RPRD2: variants seen among roughly 807,000 people sequenced by gnomAD.
The protein encoded by RPRD2 is regulation of nuclear pre-mRNA domain containing 2.
RPRD2 carries 12 observed loss-of-function variants against 104.4 expected under a neutral mutation model. That is an observed-to-expected ratio of 0.11 (90% CI 0.07 to 0.19). The LOEUF (loss-of-function observed/expected upper bound fraction) is 0.19. Among genes scored for constraint, RPRD2 ranks in the 10% least tolerant of loss-of-function variants. The pLI, the probability that RPRD2 is intolerant of heterozygous loss-of-function variation, is 1.00. For missense variants in RPRD2, 1,543 were observed against 1,790.1 expected (o/e 0.86, Z 2.49); for synonymous variants, 714 against 684.9 (o/e 1.04, Z -0.66).
At chr1:150,378,998 A>AC (rs1253333740) in intron 1 of RPRD2, among the ~76,000 whole-genome samples, 3 of 150,030 alleles carry the variant, frequency 2.0e-5, no homozygotes, top group Non-Finnish European at 4.4e-5. Flanking sequence ...AAAAAAAAAA[A>AC]AGGCCCAGCT....
intron 1 of RPRD2, among the ~76,000 whole-genome samples, chr1:150,371,007 T>G (rs1553878238): frequency 6.6e-6 from 1 of 152,172 alleles, no homozygotes; most frequent in Non-Finnish European, 1.5e-5. Context: ...CTTTACCTCC[T>G]CTCCCTTAGT....
intron 10 of RPRD2, among the ~76,000 whole-genome samples, chr1:150,465,108 G>A (rs887457309): frequency 2.6e-5 from 4 of 151,902 alleles, no homozygotes; most frequent in Admixed American, 2.6e-4. Flanking sequence ...GCCTCCCAAA[G>A]TGCTGGGATT....
At chr1:150,390,928 TAAAA>T (rs1356329037) in intron 1 of RPRD2, among the ~76,000 whole-genome samples, 1 of 152,014 alleles carries the variant, frequency 6.6e-6, no homozygotes, top group Non-Finnish European at 1.5e-5. Context: ...GGGGGTTAAA[TAAAA>T]AGAAATCTAC....
At chr1:150,386,733 C>T (rs149880661) in intron 1 of RPRD2, among the ~76,000 whole-genome samples, 3 of 152,166 alleles carry the variant, frequency 2.0e-5, no homozygotes, top group Non-Finnish European at 2.9e-5. Context: ...CTGACATATG[C>T]AATTTTCTGG....
In RPRD2 at chr1:150,364,543, T is replaced by G. The variant is rs1659674976; in HGVS notation, c.-172T>G. The G allele has an allele frequency of 1.8e-6, 1 of 559,040 alleles. No individual in the cohort carries two copies. Among genetic ancestry groups the G allele is most frequent in the Admixed American group, 3.6e-5 (1 of 28,112 alleles). 34.6% of individuals were successfully genotyped at this position (559,040 alleles called of 1,614,324 possible). On this transcript the variant is annotated 5_prime_UTR_variant, in exon 1 of 11. Transcript: ENST00000369068. ...AGGAGCTGCCAGCGTGCCCAGCAGC[T>G]GGTGTTCCCGTCCGTACCTCCAGAA...
chr1:150,372,033 A>G (rs368919301), intron 1 of RPRD2, among the ~76,000 whole-genome samples: 133 of 152,312 alleles, frequency 8.7e-4, no homozygotes, highest in African/African-American at 3.0e-3. Context: ...TATTGAAGCT[A>G]TCGTCTAGGT....
rs1398987042 is a variant in RPRD2 at position 150,457,148 on chromosome 1, C to G, written c.871-140C>G. The G allele has an allele frequency of 7.1e-6, 5 of 708,800 alleles. No individual in the cohort carries two copies. In the African/African-American group the frequency reaches 8.9e-5, roughly 13 times the overall value. 43.9% of individuals were successfully genotyped at this position (708,800 alleles called of 1,614,324 possible). On this transcript the variant is annotated intron_variant, in intron 7 of 10. Coordinates refer to ENST00000369068, the MANE Select transcript of RPRD2 (RefSeq NM_015203.5). ...CTGAGGTAGAAGGATCACTTCAACCCAGGAGGCAGAGGTTGCAGTGAACCA... is the reference window on the plus strand; with the variant it reads ...CTGAGGTAGAAGGATCACTTCAACCGAGGAGGCAGAGGTTGCAGTGAACCA...
intron 2 of RPRD2, among the ~76,000 whole-genome samples, chr1:150,418,246 C>T (rs587639455): frequency 4.6e-5 from 7 of 152,102 alleles, no homozygotes; most frequent in African/African-American, 7.2e-5. Flanking sequence ...GGATTACAGG[C>T]GTGAGCCACT....
chr1:150,368,550 G>A (rs993725656), intron 1 of RPRD2, among the ~76,000 whole-genome samples: 5 of 144,076 alleles, frequency 3.5e-5, no homozygotes, highest in Non-Finnish European at 6.0e-5. Context: ...TGCAACCTCC[G>A]CCTCCCAGGT....
chr1:150,368,220 TTTTTA>T lies in RPRD2; in HGVS notation c.205+3302_205+3306del, dbSNP rs1212996893. On this transcript the variant is annotated intron_variant, in intron 1 of 10. Coordinates refer to ENST00000369068, the MANE Select transcript of RPRD2 (RefSeq NM_015203.5). ...CTTATTTCTTGTTTTTTTTTTTTTT[TTTTTA>T]ATACGGAGTCTTAATAGATTTTTTT... is the stretch of plus-strand genomic sequence containing the variant. Among the ~76,000 whole-genome samples the T allele has an allele frequency of 2.7e-3, 395 of 144,930 alleles. 3 individuals are homozygous for T. The highest frequency in any genetic ancestry group is 9.5e-3 in the African/African-American group (372 of 39,278).
intron 7 of RPRD2, among the ~76,000 whole-genome samples, chr1:150,447,047 G>A (rs587630902): frequency 6.6e-6 from 1 of 152,150 alleles, no homozygotes; most frequent in African/African-American, 2.4e-5. Context: ...TGTTGGTCAG[G>A]CTGGTCTCAA....
chr1:150,378,162 A>C (rs1660862375), intron 1 of RPRD2, among the ~76,000 whole-genome samples: 2 of 150,970 alleles, frequency 1.3e-5, no homozygotes, highest in African/African-American at 2.5e-5. Context: ...TAACACTAAT[A>C]GTTTAGTAAG....
At chr1:150,449,338 T>C (rs1667003109) in intron 7 of RPRD2, among the ~76,000 whole-genome samples, 1 of 152,226 alleles carries the variant, frequency 6.6e-6, no homozygotes, top group Admixed American at 6.5e-5. Flanking sequence ...TTGTTATGTT[T>C]TGATCTAGTC....
chr1:150,371,543 G>A (rs1660299100), intron 1 of RPRD2, among the ~76,000 whole-genome samples: 1 of 152,064 alleles, frequency 6.6e-6, no homozygotes, highest in Admixed American at 6.6e-5. Context: ...CTAATTTTTT[G>A]CATTTTTGGT....
At chr1:150,432,022 G>A (rs192132536) in intron 2 of RPRD2, among the ~76,000 whole-genome samples, 1 of 151,872 alleles carries the variant, frequency 6.6e-6, no homozygotes, top group South Asian at 2.1e-4. Context: ...TTTGGAGTTT[G>A]GTTGCACAAC....
At chr1:150,379,489 G>A (rs587629127) in intron 1 of RPRD2, among the ~76,000 whole-genome samples, 21 of 151,430 alleles carry the variant, frequency 1.4e-4, no homozygotes, top group African/African-American at 4.8e-4. Flanking sequence ...TGCAGCCTCC[G>A]CCTCCCAGGT....
chr1:150,446,442 A>G (rs1553895520), intron 7 of RPRD2, 41 bp downstream of exon 7: 1 of 1,454,206 alleles, frequency 6.9e-7, no homozygotes, highest in East Asian at 2.3e-5. Context: ...AATGCTTGTT[A>G]CTATATTTCA....
chr1:150,460,314 A>G lies in RPRD2; in HGVS notation c.1408A>G (p.Thr470Ala). Reference sequence around the variant, plus strand: ...CAGTTTAACATCAGTCATGAAAAATACTGGTAAGTAAGCCCAGTAAGGAGG... The same window carrying G: ...CAGTTTAACATCAGTCATGAAAAATGCTGGTAAGTAAGCCCAGTAAGGAGG... ...LSSLTSVMKN[T>A]GVSPASRPSP... The change falls in exon 9 of 11, where the codon ACT becomes GCT. Residue 470 changes from threonine to alanine, a missense_variant. By Grantham distance (58) the Thr-to-Ala change is moderately conservative. Transcript: ENST00000369068. 6.2e-7 allele frequency: 1 copy of G among 1,609,816 alleles called. No homozygotes were observed. The highest frequency in any genetic ancestry group is 8.5e-7 in the Non-Finnish European group (1 of 1,177,576).
chr1:150,405,926 C>T (rs1361847724), intron 1 of RPRD2, among the ~76,000 whole-genome samples: 3 of 152,084 alleles, frequency 2.0e-5, no homozygotes, highest in African/African-American at 7.2e-5. Flanking sequence ...TACTTAATAA[C>T]GGTCCCAAAG....
Sources: allele counts gnomAD v4.1 joint callset (sites outside exome capture counted in the v4.1 genomes callset), GRCh38; gene constraint gnomAD v4.1.1; transcripts MANE v1.5; gene names NCBI Gene and HGNC (gene_info 2026-07-23, HGNC 2026-07-21).